The following TULP2 variants were observed in gnomAD, a reference collection of about 807,000 sequenced individuals.
TULP2 encodes TUB like protein 2, also known as tubby-related protein 2.
In TULP2, 64 loss-of-function variants were observed where a neutral mutation model predicts 60.3. The ratio of observed to expected loss-of-function variants is 1.06; its 90% CI spans 0.87 to 1.31. The LOEUF is 1.31. Ranked by LOEUF, TULP2 falls within the 50% of genes most tolerant of loss-of-function variation. The pLI, the probability that TULP2 is intolerant of heterozygous loss-of-function variation, is 0.00. For missense variants in TULP2, 652 were observed against 667.0 expected (o/e 0.98, Z 0.25); for synonymous variants, 267 against 265.4 (o/e 1.01, Z -0.06).
intron 7 of TULP2, 54 bp downstream of exon 7, chr19:48,889,456 G>A (rs1426957082): frequency 5.8e-6 from 9 of 1,539,672 alleles, no homozygotes; most frequent in South Asian, 2.5e-5. Flanking sequence ...CTCACCAGAG[G>A]TCCGAGGCTA....
chr19:48,888,990 A>ATT lies in TULP2; in HGVS notation c.636+518_636+519dup, dbSNP rs1207924162. On this transcript the variant is annotated intron_variant, in intron 7 of 12. Transcript: ENST00000221399. ...TCGCTGTCTTTCCATGGCTGCACCT[A>ATT]TTTTTTTTTTTTTTTGGACAGTCTC... Among the ~76,000 whole-genome samples, 208 of 118,620 alleles carry ATT rather than the reference A, an allele frequency of 1.8e-3. 1 individual carries two copies. The highest frequency in any genetic ancestry group is 6.4e-3 in the African/African-American group (206 of 32,082). The allele number at this position is 118,620 out of a possible 152,430, so 77.8% of individuals were successfully genotyped here.
At chr19:48,894,299 CTGGAATTA>C (rs2037258925) in intron 6 of TULP2, among the ~76,000 whole-genome samples, 2 of 152,196 alleles carry the variant, frequency 1.3e-5, no homozygotes, top group South Asian at 4.1e-4. Context: ...TCCCAAAGTG[CTGGAATTA>C]CAGGCACTTT....
chr19:48,896,463 A>G lies in TULP2; in HGVS notation c.178T>C (p.Cys60Arg), dbSNP rs370964631. 1 of 1,611,128 alleles carries G rather than the reference A, an allele frequency of 6.2e-7. No homozygotes were observed. The highest frequency in any genetic ancestry group is 8.5e-7 in the Non-Finnish European group (1 of 1,178,974). The change falls in exon 4 of 13, where the codon TGT (cysteine) becomes CGT (arginine). Residue 60 changes from cysteine (C) to arginine (R), a missense_variant. Coordinates refer to ENST00000221399, the MANE Select transcript of TULP2 (RefSeq NM_003323.3). ...PDASPWLWRS[C>R]LREERLLGDR... ...CCTAAAAGGCGCTCCTCCCGCAGACAAGAGCGCCAAAGCCACGGGGAAGCG... is the reference window on the plus strand; with the variant it reads ...CCTAAAAGGCGCTCCTCCCGCAGACGAGAGCGCCAAAGCCACGGGGAAGCG...
Position 48,897,451 on chromosome 19 carries a change from G to A in TULP2, c.33-55C>T. The stretch of plus-strand genomic sequence containing the variant: ...TGCACAGGGAACCTCGGTTGCCCAA[G>A]AGAGTCCCTCCTTCCCCCATCCTGC... On this transcript the variant is annotated intron_variant, in intron 2 of 12. Coordinates refer to ENST00000221399, the MANE Select transcript of TULP2 (RefSeq NM_003323.3). This position sits in a 1 kb window ranked among gnomAD's most constrained non-coding sequence, Gnocchi z 4.0. The A allele has an allele frequency of 1.3e-6, 2 of 1,584,702 alleles. No homozygotes were observed. Among genetic ancestry groups the A allele is most frequent in the Non-Finnish European group, 1.7e-6 (2 of 1,158,620 alleles).
intron 6 of TULP2, among the ~76,000 whole-genome samples, chr19:48,891,916 C>T (rs981308175): frequency 2.0e-5 from 3 of 152,112 alleles, no homozygotes; most frequent in Non-Finnish European, 4.4e-5. Flanking sequence ...AGGTGCTGTG[C>T]CTGGATGTGC....
chr19:48,894,601 A>C (rs910687939), intron 6 of TULP2, among the ~76,000 whole-genome samples: 4 of 152,160 alleles, frequency 2.6e-5, no homozygotes, highest in African/African-American at 9.7e-5. Flanking sequence ...AGATCACGCC[A>C]CTGCACTCCA....
chr19:48,893,007 C>A (rs1306828587), intron 6 of TULP2, among the ~76,000 whole-genome samples: 2 of 152,000 alleles, frequency 1.3e-5, no homozygotes, highest in Non-Finnish European at 2.9e-5. Context: ...CTTTGGGAAG[C>A]CAAGGTGAGA....
chr19:48,888,846 T>G (rs1387523905), intron 7 of TULP2, among the ~76,000 whole-genome samples: 1 of 152,138 alleles, frequency 6.6e-6, no homozygotes, highest in Non-Finnish European at 1.5e-5. Context: ...GGTCTGGAAC[T>G]CCTGACCTCA....
chr19:48,895,405 TG>T lies in TULP2; in HGVS notation c.309del (p.Arg104GlyfsTer139), dbSNP rs2037269559. ...GGTGTCGGGAGGCCGCGCTCGCCCC[TG>T]CCGTCTCCACCACAGCTCACGGTGC... ...ALGTVSCGGD[G>X]RGERGLPTPR... On this transcript the variant is annotated frameshift_variant, in exon 5 of 13. Transcript: ENST00000221399. LOFTEE classifies it high-confidence loss of function. The T allele has an allele frequency of 3.7e-6, 6 of 1,613,894 alleles. No homozygotes were observed. Among genetic ancestry groups the T allele is most frequent in the African/African-American group, 1.3e-5 (1 of 74,910 alleles).
rs139474864 is a variant in TULP2, at chr19:48,892,496, C to G, written c.514+2502G>C. Among the ~76,000 whole-genome samples, 467 of 151,776 alleles carry G rather than the reference C, an allele frequency of 3.1e-3. 2 individuals are homozygous for G. The highest frequency in any genetic ancestry group is 0.011 in the African/African-American group (435 of 41,388). ...AGATTAACAGCATCTCAAAGCAGAA[C>G]AGTTTTTCTTTTTTTTTTTGGGGGG... On this transcript the variant is annotated intron_variant, in intron 6 of 12. Coordinates refer to ENST00000221399, the MANE Select transcript of TULP2 (RefSeq NM_003323.3).
Position 48,882,035 on chromosome 19 carries a change from GT to G in TULP2, c.1443del (p.Lys481AsnfsTer?). The part of the protein sequence containing the change: ...SVKNFQIVDP[K>X]HQEHLVLQFG... Reference sequence around the variant, plus strand: ...AAACTGGTTTCCAGGAGCTCACGGTGTTTGGGATCCACGATTTGGAAGTTCT... The same window carrying G: ...AAACTGGTTTCCAGGAGCTCACGGTGTTGGGATCCACGATTTGGAAGTTCT... On this transcript the variant is annotated frameshift_variant, in exon 12 of 13. Transcript: ENST00000221399. LOFTEE classifies it high-confidence loss of function. 1 of 1,614,214 alleles carries G rather than the reference GT, an allele frequency of 6.2e-7. No homozygotes were observed.
Position 48,897,896 on chromosome 19 carries a change from G to C in TULP2, c.-1-27C>G, listed in dbSNP as rs369430555. The C allele has an allele frequency of 6.2e-7, 1 of 1,608,468 alleles. No individual in the cohort carries two copies. The highest frequency in any genetic ancestry group is 8.5e-7 in the Non-Finnish European group (1 of 1,177,456). ...TGCAGAAGCAAGAATGAGGAGTCAG[G>C]ATCAGAACCAACATCCCAATGGATC... On this transcript the variant is annotated intron_variant, in intron 1 of 12. Coordinates refer to ENST00000221399, the MANE Select transcript of TULP2 (RefSeq NM_003323.3). This position sits in a 1 kb window ranked among gnomAD's most constrained non-coding sequence, Gnocchi z 4.0.
At chr19:48,895,606 G>A (rs1372086483) in intron 4 of TULP2, 103 bp from the exon 5 acceptor site, 2 of 1,457,604 alleles carry the variant, frequency 1.4e-6, no homozygotes, top group East Asian at 4.6e-5. Context: ...CCCGCCAGGC[G>A]CCGTGGCTCA....
intron 3 of TULP2, 153 bp from the exon 4 acceptor site, chr19:48,896,709 C>T (rs1364257806): frequency 4.6e-6 from 4 of 873,170 alleles, no homozygotes; most frequent in Non-Finnish European, 3.3e-6. Context: ...AGTTCTTCAG[C>T]AGCTCCTCCC....
At chr19:48,893,568 C>G (rs1400704078) in intron 6 of TULP2, among the ~76,000 whole-genome samples, 1 of 150,056 alleles carries the variant, frequency 6.7e-6, no homozygotes, top group African/African-American at 2.4e-5. Flanking sequence ...TTTTTTTTTT[C>G]CTTGAGACAA....
chr19:48,893,386 A>G (rs907953101), intron 6 of TULP2, among the ~76,000 whole-genome samples: 2 of 151,836 alleles, frequency 1.3e-5, no homozygotes, highest in Non-Finnish European at 2.9e-5. Context: ...AAAAAAAAAA[A>G]AGGAATTGAA....
rs761101462 is a variant in TULP2 at position 48,896,551 on chromosome 19, C to A, written c.90G>T (p.Arg30=). The A allele has an allele frequency of 5.0e-6, 8 of 1,600,052 alleles. No individual in the cohort carries two copies. The highest frequency in any genetic ancestry group is 6.8e-6 in the Non-Finnish European group (8 of 1,173,556). Residue 30 remains arginine (R), a synonymous_variant, in exon 4 of 13, where the codon CGG becomes CGT. Transcript: ENST00000221399. ...MRLQKLEQQR[R]LFEKKQRQKR... The stretch of plus-strand genomic sequence containing the variant: ...TCTGTCGCTGCTTCTTTTCAAACAG[C>A]CGCCGCTGGGGAGATGGGAGAGGTG...
At chr19:48,888,522 G>T (rs1429629908) in intron 7 of TULP2, among the ~76,000 whole-genome samples, 2 of 152,148 alleles carry the variant, frequency 1.3e-5, no homozygotes, top group African/African-American at 4.8e-5. Context: ...CGTTAAAATG[G>T]CTGTTAGTTT....
At chr19:48,887,840 G>A in intron 8 of TULP2, 110 bp downstream of exon 8, 1 of 1,211,212 alleles carries the variant, frequency 8.3e-7, no homozygotes, top group Non-Finnish European at 1.2e-6. Flanking sequence ...TTATAGGCGT[G>A]AGCCACTGTG....
Sources: allele counts gnomAD v4.1 joint callset (sites outside exome capture counted in the v4.1 genomes callset), GRCh38; gene constraint gnomAD v4.1.1; non-coding constraint Gnocchi (gnomAD v3.1); transcripts MANE v1.5; gene names NCBI Gene and HGNC (gene_info 2026-07-23, HGNC 2026-07-21).